The following PARD3B variants were observed in gnomAD, a reference collection of about 807,000 sequenced individuals.
The protein encoded by PARD3B is partitioning defective 3 homolog B.
Under a neutral mutation model 130.2 loss-of-function variants are expected in PARD3B, and 103 were observed. The ratio of observed to expected loss-of-function variants is 0.79; its 90% confidence interval spans 0.67 to 0.93. PARD3B has a LOEUF of 0.93. Ranked by LOEUF, PARD3B falls within the 40% of genes least tolerant of loss-of-function variation. The pLI, the probability that PARD3B is intolerant of heterozygous loss-of-function variation, is 0.00. For synonymous variants in PARD3B, 583 were observed against 553.2 expected, an observed-to-expected ratio of 1.05 and a Z score of -0.76; for missense variants, 1,609 against 1,499.2, an observed-to-expected ratio of 1.07 and a Z score of -1.21.
At chr2:204,781,644 A>G (rs1559140126) in intron 2 of PARD3B, among the ~76,000 whole-genome samples, 1 of 152,150 alleles carries the variant, frequency 6.6e-6, no homozygotes, top group South Asian at 2.1e-4. Context: ...ACACTGAAGT[A>G]TAATTTGTTT....
At chr2:204,731,546 A>G (rs887632780) in intron 2 of PARD3B, among the ~76,000 whole-genome samples, 1 of 152,144 alleles carries the variant, frequency 6.6e-6, no homozygotes, top group Non-Finnish European at 1.5e-5. Context: ...TTAGGAGTTT[A>G]TTTGTTGTCA....
At chr2:204,987,923 G>A (rs759497259) in intron 3 of PARD3B, among the ~76,000 whole-genome samples, 5 of 152,126 alleles carry the variant, frequency 3.3e-5, no homozygotes, top group Non-Finnish European at 7.3e-5. Flanking sequence ...AAGGGTGACA[G>A]TTAGAAGGCT....
chr2:204,938,897 G>A lies in PARD3B; in HGVS notation c.223-26255G>A, dbSNP rs1242958452. On this transcript the variant is annotated intron_variant, in intron 2 of 22. Coordinates refer to ENST00000406610, the MANE Select transcript of PARD3B (RefSeq NM_001302769.2). ...TCAGTACATATATCTGGATGAATAAGTGAACTCACAGAGAGTAAATATGGA... is the reference window on the plus strand; with the variant it reads ...TCAGTACATATATCTGGATGAATAAATGAACTCACAGAGAGTAAATATGGA... Among the ~76,000 whole-genome samples the A allele has an allele frequency of 4.6e-5, 7 of 152,298 alleles. No homozygotes were observed. The South Asian group carries it at 1.4e-3, about 32-fold the overall frequency.
At chr2:205,439,470 C>A (rs116096563) in intron 19 of PARD3B, among the ~76,000 whole-genome samples, 220 of 152,292 alleles carry the variant, frequency 1.4e-3, no homozygotes, top group African/African-American at 5.2e-3. Flanking sequence ...CTATAGTGAC[C>A]TTTCCATTTT....
chr2:205,502,707 G>C (rs552849138), intron 21 of PARD3B, among the ~76,000 whole-genome samples: 1 of 152,016 alleles, frequency 6.6e-6, no homozygotes, highest in African/African-American at 2.4e-5. Context: ...TTCAAAATAG[G>C]CTAGCAAGAA....
chr2:205,309,922 A>G lies in PARD3B; in HGVS notation c.2630+8221A>G. ...TATCTATCTATCTATCTATCTATCT[A>G]TCTATCATCTATTTTTCATTGGAAA... On this transcript the variant is annotated intron_variant, in intron 18 of 22. Coordinates refer to ENST00000406610, the MANE Select transcript of PARD3B (RefSeq NM_001302769.2). The surrounding 1 kb of genome is among the most constrained non-coding windows in gnomAD (Gnocchi z 4.7). Among the ~76,000 whole-genome samples, 1 of 114,152 alleles carries G rather than the reference A, an allele frequency of 8.8e-6. No homozygotes were observed. Among genetic ancestry groups the G allele is most frequent in the South Asian group, 3.4e-4 (1 of 2,954 alleles). The allele number at this position is 114,152 out of a possible 152,430, so 74.9% of individuals were successfully genotyped here. A position where few individuals can be genotyped will look rare whatever the true frequency, so the allele number is the denominator to read the frequency against.
At chr2:204,999,816 A>T (rs1694673346) in intron 3 of PARD3B, among the ~76,000 whole-genome samples, 1 of 152,164 alleles carries the variant, frequency 6.6e-6, no homozygotes, top group African/African-American at 2.4e-5. Flanking sequence ...TACCTGATAT[A>T]TTTACCTGAA....
intron 20 of PARD3B, among the ~76,000 whole-genome samples, chr2:205,449,152 G>A (rs2106188734): frequency 7.3e-6 from 1 of 137,262 alleles, no homozygotes; most frequent in East Asian, 2.2e-4. Flanking sequence ...GGCAACAAGA[G>A]CGAAACTCCA....
intron 1 of PARD3B, among the ~76,000 whole-genome samples, chr2:204,681,929 TC>T (rs2036853969): frequency 6.6e-6 from 1 of 152,208 alleles, no homozygotes; most frequent in African/African-American, 2.4e-5. Context: ...AAGATCTTTT[TC>T]CACTGTTTCC....
chr2:204,975,861 T>C (rs2125190987), intron 3 of PARD3B, among the ~76,000 whole-genome samples: 1 of 152,294 alleles, frequency 6.6e-6, no homozygotes, highest in Non-Finnish European at 1.5e-5. Flanking sequence ...TCTTGGAAAA[T>C]GGTCTTTGAG....
rs1288576817 is a variant in PARD3B at position 205,470,357 on chromosome 2, C to T, written c.3045-29539C>T. On this transcript the variant is annotated intron_variant, in intron 20 of 22. Transcript: ENST00000406610. The surrounding 1 kb of genome is among the most constrained non-coding windows in gnomAD (Gnocchi z 4.8). ...CACAACCCTCTTAGCTCCTGTTGAA[C>T]TCGGCTTTTCTGACTGTCTTCAGAC... 1.3e-5 allele frequency among the ~76,000 whole-genome samples: 2 copies of T among 152,258 alleles called. No individual in the cohort carries two copies. Among genetic ancestry groups the T allele is most frequent in the East Asian group, 3.9e-4 (2 of 5,174 alleles).
intron 1 of PARD3B, among the ~76,000 whole-genome samples, chr2:204,651,085 A>G (rs1248866034): frequency 6.6e-6 from 1 of 152,142 alleles, no homozygotes; most frequent in Non-Finnish European, 1.5e-5. Flanking sequence ...GCCAAACCAT[A>G]TTATTCTGCC....
chr2:204,964,951 C>A (rs1691096112), intron 2 of PARD3B, among the ~76,000 whole-genome samples: 1 of 151,880 alleles, frequency 6.6e-6, no homozygotes, highest in African/African-American at 2.4e-5. Context: ...ATGAATAAAC[C>A]AGTATTTATT....
At chr2:205,189,180 A>C (rs2036259439) in intron 14 of PARD3B, among the ~76,000 whole-genome samples, 3 of 152,154 alleles carry the variant, frequency 2.0e-5, no homozygotes, top group Non-Finnish European at 2.9e-5. Context: ...CTTCATGCAC[A>C]TACCTGAAAC....
intron 19 of PARD3B, among the ~76,000 whole-genome samples, chr2:205,426,360 T>A (rs2047146520): frequency 6.6e-6 from 1 of 152,176 alleles, no homozygotes; most frequent in South Asian, 2.1e-4. Context: ...CTGAAGAAAC[T>A]GAGCCTGTTC....
chr2:205,384,567 C>T (rs180920167), intron 18 of PARD3B, among the ~76,000 whole-genome samples: 401 of 152,212 alleles, frequency 2.6e-3, no homozygotes, highest in Non-Finnish European at 4.4e-3. Flanking sequence ...TACTCAGAAA[C>T]TGCCAACCTC....
rs1559495778 is a variant in PARD3B, at chr2:205,158,788, CT to C, written c.1502del (p.Leu501ArgfsTer11). On this transcript the variant is annotated frameshift_variant, in exon 11 of 23. Coordinates refer to ENST00000406610, the MANE Select transcript of PARD3B (RefSeq NM_001302769.2). LOFTEE classifies it high-confidence loss of function. This position sits in a 1 kb window ranked among gnomAD's most constrained non-coding sequence, Gnocchi z 5.4. ...TSEQLTFEIP[L>X]NDSGSAGLGV... is the part of the protein sequence containing the mutation. ...CGAGCAGCTCACCTTTGAGATCCCC[CT>C]GAATGATTCAGGTTCTGCTGGCCTC... The C allele has an allele frequency of 6.2e-7, 1 of 1,614,174 alleles. No homozygotes were observed. The highest frequency in any genetic ancestry group is 2.2e-5 in the East Asian group (1 of 44,886).
chr2:204,559,938 A>G (rs917011762), intron 1 of PARD3B, among the ~76,000 whole-genome samples: 2 of 152,096 alleles, frequency 1.3e-5, no homozygotes, highest in African/African-American at 4.8e-5. Flanking sequence ...TATCACAAAG[A>G]CAGAAAACCA....
intron 3 of PARD3B, among the ~76,000 whole-genome samples, chr2:205,044,121 A>G (rs1020752282): frequency 6.6e-6 from 1 of 152,000 alleles, no homozygotes; most frequent in Non-Finnish European, 1.5e-5. Flanking sequence ...CCATGTCCCT[A>G]CAAAGGACAT....
Sources: allele counts gnomAD v4.1 joint callset (sites outside exome capture counted in the v4.1 genomes callset), GRCh38; gene constraint gnomAD v4.1.1; non-coding constraint Gnocchi (gnomAD v3.1); transcripts MANE v1.5; gene names NCBI Gene and HGNC (gene_info 2026-07-23, HGNC 2026-07-21).